The following UNC5D variants were observed in gnomAD, a reference collection of about 807,000 sequenced individuals.
UNC5D encodes the protein unc-5 netrin receptor D, also known as netrin receptor UNC5D.
In UNC5D, 39 loss-of-function variants were observed where a neutral mutation model predicts 105.4. That is an observed-to-expected ratio of 0.37 (90% confidence interval 0.29 to 0.48). The LOEUF is 0.48. UNC5D is among the 20% of genes least tolerant of loss of function. The pLI is 0.98. For synonymous variants in UNC5D, 452 were observed against 450.4 expected (o/e 1.00, Z -0.04); for missense variants, 991 against 1,202.4 (o/e 0.82, Z 2.60).
At chr8:35,433,114 T>G (rs756966834) in intron 1 of UNC5D, among the ~76,000 whole-genome samples, 1 of 152,204 alleles carries the variant, frequency 6.6e-6, no homozygotes, top group Non-Finnish European at 1.5e-5. Context: ...AACACATTTA[T>G]TTTCATTGAC....
chr8:35,634,535 G>T (rs922607213), intron 4 of UNC5D, among the ~76,000 whole-genome samples: 3 of 152,122 alleles, frequency 2.0e-5, no homozygotes, highest in Non-Finnish European at 4.4e-5. Flanking sequence ...GACCTAAATG[G>T]ATCTATTTGA....
intron 1 of UNC5D, among the ~76,000 whole-genome samples, chr8:35,289,754 A>G (rs1806895712): frequency 6.6e-6 from 1 of 152,224 alleles, no homozygotes; most frequent in Admixed American, 6.5e-5. Context: ...ATTTTTGAAA[A>G]GAAGACATAT....
intron 1 of UNC5D, among the ~76,000 whole-genome samples, chr8:35,351,241 T>C (rs1231470457): frequency 6.6e-6 from 1 of 152,072 alleles, no homozygotes; most frequent in African/African-American, 2.4e-5. Context: ...CAAAATACCA[T>C]TGAAAATCCT....
At chr8:35,756,551 T>TAAAA (rs560731427) in intron 13 of UNC5D, among the ~76,000 whole-genome samples, 2 of 122,996 alleles carry the variant, frequency 1.6e-5, no homozygotes, top group African/African-American at 5.9e-5. Flanking sequence ...CATGAGTCTT[T>TAAAA]AAAAAAAAAA....
At chr8:35,634,997 C>T (rs1461530726) in intron 4 of UNC5D, among the ~76,000 whole-genome samples, 1 of 152,086 alleles carries the variant, frequency 6.6e-6, no homozygotes. Context: ...AACTCCTGAC[C>T]TCAGGCGATC....
intron 1 of UNC5D, among the ~76,000 whole-genome samples, chr8:35,321,791 G>A (rs1358335308): frequency 2.0e-5 from 3 of 152,144 alleles, no homozygotes; most frequent in Non-Finnish European, 4.4e-5. Context: ...ACGGTTTCAT[G>A]TTGCAAGCAC....
intron 1 of UNC5D, among the ~76,000 whole-genome samples, chr8:35,318,112 C>T (rs1342992139): frequency 6.6e-6 from 1 of 152,064 alleles, no homozygotes. Context: ...ACCTGATTGC[C>T]TTTATTTCCC....
intron 1 of UNC5D, among the ~76,000 whole-genome samples, chr8:35,342,155 C>T (rs1178126146): frequency 2.0e-5 from 3 of 152,038 alleles, no homozygotes; most frequent in Non-Finnish European, 4.4e-5. Flanking sequence ...ACCTCACATG[C>T]GGGATCTTGT....
At chr8:35,364,153 G>A (rs1047450106) in intron 1 of UNC5D, among the ~76,000 whole-genome samples, 2 of 152,238 alleles carry the variant, frequency 1.3e-5, no homozygotes, top group Admixed American at 6.5e-5. Flanking sequence ...GTGACAGAGC[G>A]AGACTTTGTC....
At chr8:35,415,131 G>C (rs1180399100) in intron 1 of UNC5D, among the ~76,000 whole-genome samples, 1 of 151,992 alleles carries the variant, frequency 6.6e-6, no homozygotes, top group Non-Finnish European at 1.5e-5. Flanking sequence ...AGAGTATTTT[G>C]TCTCTCCCAA....
intron 1 of UNC5D, among the ~76,000 whole-genome samples, chr8:35,396,397 G>A (rs188437894): frequency 1.4e-3 from 212 of 152,216 alleles, no homozygotes; most frequent in African/African-American, 4.9e-3. Flanking sequence ...CACACCGGGC[G>A]CACCTCGTTC....
intron 1 of UNC5D, among the ~76,000 whole-genome samples, chr8:35,339,658 A>G (rs1329748037): frequency 6.6e-6 from 1 of 152,180 alleles, no homozygotes; most frequent in African/African-American, 2.4e-5. Context: ...GAACATGTCT[A>G]GATTGGAAGA....
At chr8:35,691,769 G>C (rs1424719890) in intron 7 of UNC5D, among the ~76,000 whole-genome samples, 1 of 152,154 alleles carries the variant, frequency 6.6e-6, no homozygotes, top group Non-Finnish European at 1.5e-5. Flanking sequence ...TGTGCTCTCA[G>C]ATCACAGCCA....
intron 1 of UNC5D, among the ~76,000 whole-genome samples, chr8:35,458,810 G>T (rs1330133983): frequency 6.6e-6 from 1 of 152,098 alleles, no homozygotes; most frequent in African/African-American, 2.4e-5. Context: ...AATCCAAAAT[G>T]ATCCAAGAAT....
At chr8:35,678,829 TTTTCTCTTTC>T (rs1825459113) in intron 4 of UNC5D, among the ~76,000 whole-genome samples, 2 of 152,174 alleles carry the variant, frequency 1.3e-5, no homozygotes, top group African/African-American at 4.8e-5. Flanking sequence ...TCTCTCTCTT[TTTTCTCTTTC>T]TTTCTCTCTT....
chr8:35,508,501 G>C (rs189699210), intron 1 of UNC5D, among the ~76,000 whole-genome samples: 1 of 152,148 alleles, frequency 6.6e-6, no homozygotes, highest in Non-Finnish European at 1.5e-5. Flanking sequence ...TCAAGCTACC[G>C]CCTTTGAATC....
At chr8:35,396,328 C>T (rs1004725262) in intron 1 of UNC5D, among the ~76,000 whole-genome samples, 1 of 152,088 alleles carries the variant, frequency 6.6e-6, no homozygotes, top group African/African-American at 2.4e-5. Flanking sequence ...GGAAAAGGCT[C>T]ATGGGGCTGA....
chr8:35,269,634 C>A (rs1805138303), intron 1 of UNC5D, among the ~76,000 whole-genome samples: 1 of 152,202 alleles, frequency 6.6e-6, no homozygotes, highest in African/African-American at 2.4e-5. Context: ...AAAATTTCTT[C>A]TGTTTGGCAC....
intron 1 of UNC5D, among the ~76,000 whole-genome samples, chr8:35,508,909 T>C (rs1352640271): frequency 6.6e-6 from 1 of 152,222 alleles, no homozygotes; most frequent in Non-Finnish European, 1.5e-5. Context: ...TGTGCATGCC[T>C]CAGGTTTGAT....
Sources: gnomAD v4.1 joint callset for allele counts (sites outside exome capture counted in the v4.1 genomes callset) on GRCh38, gnomAD v4.1.1 for gene constraint, MANE v1.5 for transcripts, NCBI Gene and HGNC (gene_info 2026-07-23, HGNC 2026-07-21) for gene names.